Variants in DLGAP2 observed in about 807,000 individuals in gnomAD.
DLGAP2 encodes disks large-associated protein 2.
A neutral mutation model predicts 100.3 loss-of-function variants in DLGAP2; 26 were observed. That is an observed-to-expected ratio of 0.26 (90% CI 0.19 to 0.36). DLGAP2 has a LOEUF of 0.36. Among genes scored for constraint, DLGAP2 ranks in the 10% least tolerant of loss-of-function variants. The probability of loss-of-function intolerance (pLI) is 1.00; values close to 1 mark genes in which losing one functional copy is unlikely to be tolerated. For missense variants in DLGAP2, 1,858 were observed against 1,453.2 expected, an observed-to-expected ratio of 1.28 and a Z score of -4.53; for synonymous variants, 886 against 630.1, an observed-to-expected ratio of 1.41 and a Z score of -6.08.
At chr8:1,286,549 G>T (rs1484907733) in intron 3 of DLGAP2, among the ~76,000 whole-genome samples, 1 of 152,190 alleles carries the variant, frequency 6.6e-6, no homozygotes, top group African/African-American at 2.4e-5. Context: ...TGTCTGGGAT[G>T]CGGAGGTGCT....
At chr8:1,411,536 G>T (rs372413894) in intron 3 of DLGAP2, among the ~76,000 whole-genome samples, 1 of 152,178 alleles carries the variant, frequency 6.6e-6, no homozygotes, top group African/African-American at 2.4e-5. Context: ...GTCATAAACT[G>T]TGCCGGTAGA....
Position 778,900 on chromosome 8 carries a change from C to T in DLGAP2, c.18+41075C>T, listed in dbSNP as rs572059041. ...CGAGCTTCCCGGCTGCTTTGTTTAC[C>T]TAAGCAAGCCTGGGCAATGGTGGGC... On this transcript the variant is annotated intron_variant, in intron 1 of 14. Coordinates refer to ENST00000637795, the MANE Select transcript of DLGAP2 (RefSeq NM_001346810.2). Among the ~76,000 whole-genome samples, 290 of 152,368 alleles carry T rather than the reference C, an allele frequency of 1.9e-3. 3 individuals are homozygous for T. The highest frequency in any genetic ancestry group is 6.8e-3 in the African/African-American group (281 of 41,590).
At chr8:855,342 G>A (rs1331535290) in intron 1 of DLGAP2, among the ~76,000 whole-genome samples, 8 of 152,306 alleles carry the variant, frequency 5.3e-5, no homozygotes, top group African/African-American at 1.9e-4. Context: ...TGTACGGTCA[G>A]GAGCGTTCTC....
At chr8:759,146 ATTAT>A (rs1821003334) in intron 1 of DLGAP2, among the ~76,000 whole-genome samples, 1 of 39,802 alleles carries the variant, frequency 2.5e-5, no homozygotes, top group African/African-American at 6.3e-5. Context: ...CAGCTTTCCC[ATTAT>A]CAATACCCCC....
chr8:966,938 T>G lies in DLGAP2; in HGVS notation c.73+58972T>G, dbSNP rs144374536. Among the ~76,000 whole-genome samples the G allele has an allele frequency of 2.6e-5, 4 of 152,384 alleles. No homozygotes were observed. In the East Asian group the frequency reaches 7.7e-4, roughly 29 times the overall value. ...TGTGCCTTTTGTCACTTGACATACA[T>G]CAGATAAATCTACTGGCCATTGATG... is the stretch of plus-strand genomic sequence containing the variant. On this transcript the variant is annotated intron_variant, in intron 2 of 14. Coordinates refer to ENST00000637795, the MANE Select transcript of DLGAP2 (RefSeq NM_001346810.2).
At chr8:863,943 G>A (rs899281145) in intron 1 of DLGAP2, among the ~76,000 whole-genome samples, 1 of 152,132 alleles carries the variant, frequency 6.6e-6, no homozygotes, top group Non-Finnish European at 1.5e-5. Flanking sequence ...GCCCAGAAAC[G>A]GAATCAGCCT....
intron 2 of DLGAP2, among the ~76,000 whole-genome samples, chr8:1,177,812 T>A (rs1189940204): frequency 2.6e-5 from 4 of 152,078 alleles, no homozygotes; most frequent in African/African-American, 9.7e-5. Flanking sequence ...GTGAGGGAGC[T>A]CTCCAGGGCC....
At chr8:858,804 T>G (rs1797334958) in intron 1 of DLGAP2, among the ~76,000 whole-genome samples, 2 of 152,244 alleles carry the variant, frequency 1.3e-5, no homozygotes, top group Admixed American at 1.3e-4. Flanking sequence ...ATGCTGTCAT[T>G]GTGGCCACAT....
intron 8 of DLGAP2, among the ~76,000 whole-genome samples, chr8:1,653,009 T>C (rs1798202268): frequency 6.6e-6 from 1 of 152,226 alleles, no homozygotes; most frequent in Non-Finnish European, 1.5e-5. Context: ...AGGACTGTCA[T>C]GGGCCTTTCT....
chr8:1,326,071 G>T (rs948751219), intron 3 of DLGAP2, among the ~76,000 whole-genome samples: 2 of 152,174 alleles, frequency 1.3e-5, no homozygotes, highest in African/African-American at 4.8e-5. Flanking sequence ...ATGGCCATAA[G>T]TGGACTCAAC....
At chr8:1,247,638 G>C (rs200686495) in intron 2 of DLGAP2, among the ~76,000 whole-genome samples, 1 of 2,746 alleles carries the variant, frequency 3.6e-4, no homozygotes, top group Admixed American at 2.5e-3. Flanking sequence ...GTCGGTGGCC[G>C]GGAAGACCTT....
intron 3 of DLGAP2, among the ~76,000 whole-genome samples, chr8:1,298,942 C>T (rs1256890123): frequency 2.6e-5 from 4 of 151,968 alleles, no homozygotes; most frequent in Admixed American, 6.6e-5. Flanking sequence ...GGGCCAGGGT[C>T]GAGCTGCGGC....
chr8:1,646,944 G>A (rs960706664), intron 8 of DLGAP2, among the ~76,000 whole-genome samples: 9 of 152,162 alleles, frequency 5.9e-5, no homozygotes, highest in Non-Finnish European at 2.9e-5. Context: ...GAGAAGCGTC[G>A]GAAAGGCCAG....
intron 1 of DLGAP2, among the ~76,000 whole-genome samples, chr8:839,840 C>G (rs1422912551): frequency 6.6e-6 from 1 of 152,240 alleles, no homozygotes; most frequent in Non-Finnish European, 1.5e-5. Flanking sequence ...TTTTAGGTCT[C>G]TTTTGATCCA....
intron 1 of DLGAP2, among the ~76,000 whole-genome samples, chr8:876,618 T>G (rs1184822046): frequency 1.3e-5 from 2 of 152,238 alleles, no homozygotes; most frequent in Non-Finnish European, 2.9e-5. Context: ...TTTGTAACTC[T>G]CTTTGCTTTT....
intron 4 of DLGAP2, among the ~76,000 whole-genome samples, chr8:1,526,211 T>C (rs2130437431): frequency 6.6e-6 from 1 of 151,736 alleles, no homozygotes; most frequent in African/African-American, 2.4e-5. Flanking sequence ...GCCTCCTGCA[T>C]TGACTCCCCA....
At chr8:919,866 G>A (rs1395020947) in intron 2 of DLGAP2, among the ~76,000 whole-genome samples, 1 of 152,164 alleles carries the variant, frequency 6.6e-6, no homozygotes, top group Non-Finnish European at 1.5e-5. Context: ...CCTTTACTAA[G>A]AAATGCCTTT....
At chr8:1,182,045 C>T (rs996088623) in intron 2 of DLGAP2, among the ~76,000 whole-genome samples, 3 of 152,242 alleles carry the variant, frequency 2.0e-5, no homozygotes, top group African/African-American at 7.2e-5. Flanking sequence ...CTCTGTGCTG[C>T]AGTGCGTAAG....
At chr8:1,183,074 G>A (rs549696925) in intron 2 of DLGAP2, among the ~76,000 whole-genome samples, 23 of 152,230 alleles carry the variant, frequency 1.5e-4, no homozygotes, top group South Asian at 6.2e-4. Flanking sequence ...GAGTGCTTTC[G>A]GTAAGAGCTG....
Sources: gnomAD v4.1 joint callset for allele counts (sites outside exome capture counted in the v4.1 genomes callset) on GRCh38, gnomAD v4.1.1 for gene constraint, MANE v1.5 for transcripts, NCBI Gene and HGNC (gene_info 2026-07-23, HGNC 2026-07-21) for gene names.